DLGAP2: variants seen among roughly 807,000 people sequenced by gnomAD.
DLGAP2 encodes disks large-associated protein 2.
A neutral mutation model predicts 100.3 loss-of-function variants in DLGAP2; 26 were observed. The ratio of observed to expected loss-of-function variants is 0.26; its 90% CI spans 0.19 to 0.36. The LOEUF is 0.36. Among genes scored for constraint, DLGAP2 ranks in the 10% least tolerant of loss-of-function variants. The pLI is 1.00. For missense variants in DLGAP2, 1,858 were observed against 1,453.2 expected, an observed-to-expected ratio of 1.28 and a Z score of -4.53; for synonymous variants, 886 against 630.1, an observed-to-expected ratio of 1.41 and a Z score of -6.08.
At chr8:1,646,442 C>T (rs2469725) in intron 8 of DLGAP2, among the ~76,000 whole-genome samples, 1 of 152,192 alleles carries the variant, frequency 6.6e-6, no homozygotes, top group Non-Finnish European at 1.5e-5. Flanking sequence ...TCTCTATCGT[C>T]TGTCCATCCA....
chr8:1,114,236 T>A (rs1805048213), intron 2 of DLGAP2, among the ~76,000 whole-genome samples: 1 of 152,206 alleles, frequency 6.6e-6, no homozygotes, highest in African/African-American at 2.4e-5. Flanking sequence ...GAGGAGTCCC[T>A]CCTTTTCAGT....
chr8:1,449,811 G>A (rs1584915852), intron 3 of DLGAP2, among the ~76,000 whole-genome samples: 1 of 149,096 alleles, frequency 6.7e-6, no homozygotes, highest in Admixed American at 6.7e-5. Context: ...CCGTGAAGAC[G>A]AGGTGGGCGG....
At chr8:997,857 C>G (rs969155975) in intron 2 of DLGAP2, among the ~76,000 whole-genome samples, 6 of 146,140 alleles carry the variant, frequency 4.1e-5, no homozygotes, top group African/African-American at 1.2e-4. Flanking sequence ...TACATACACA[C>G]ATACACACAA....
intron 3 of DLGAP2, among the ~76,000 whole-genome samples, chr8:1,354,343 T>A (rs1801800661): frequency 6.6e-6 from 1 of 152,030 alleles, no homozygotes; most frequent in Non-Finnish European, 1.5e-5. Context: ...CCATCTCTTC[T>A]AAAAATACAA....
chr8:744,586 C>T (rs1187737392), intron 1 of DLGAP2, among the ~76,000 whole-genome samples: 16 of 150,970 alleles, frequency 1.1e-4, no homozygotes, highest in Non-Finnish European at 1.5e-5. Flanking sequence ...TGGCCGTCTG[C>T]TCCCCACGGT....
At chr8:1,688,394 C>T (rs952985595) in intron 12 of DLGAP2, 1 of 152,202 alleles carries the variant, frequency 6.6e-6, no homozygotes, top group African/African-American at 2.4e-5. Context: ...AAGTGTTATC[C>T]GAGTTACTTG....
chr8:1,117,064 A>G (rs923929241), intron 2 of DLGAP2, among the ~76,000 whole-genome samples: 1 of 152,228 alleles, frequency 6.6e-6, no homozygotes, highest in African/African-American at 2.4e-5. Flanking sequence ...CCAAAGCTTT[A>G]TGGGTTTTTA....
intron 2 of DLGAP2, among the ~76,000 whole-genome samples, chr8:1,007,815 T>C (rs1322235997): frequency 1.3e-5 from 2 of 152,226 alleles, no homozygotes; most frequent in African/African-American, 4.8e-5. Flanking sequence ...ACAATGCTTT[T>C]GGTTAATTTG....
chr8:1,631,045 G>A (rs1019571307), intron 7 of DLGAP2, among the ~76,000 whole-genome samples: 7 of 150,836 alleles, frequency 4.6e-5, no homozygotes, highest in African/African-American at 1.2e-4. Flanking sequence ...CGGGAGGTCC[G>A]GGTGCCCCAA....
At position 745,641 on chromosome 8, in the gene DLGAP2, C is replaced by G. The variant is rs141451820; in HGVS notation, c.18+7816C>G. Reference sequence around the variant, plus strand: ...AATAAGTTAGCTAAGTGGATGTTCCCTCCAGTTTTGTTTCATAGTATAATA... The same window carrying G: ...AATAAGTTAGCTAAGTGGATGTTCCGTCCAGTTTTGTTTCATAGTATAATA... On this transcript the variant is annotated intron_variant, in intron 1 of 14. Coordinates refer to ENST00000637795, the MANE Select transcript of DLGAP2 (RefSeq NM_001346810.2). Among the ~76,000 whole-genome samples the G allele has an allele frequency of 2.0e-4, 31 of 152,280 alleles. 2 individuals carry two copies. The East Asian group carries it at 5.4e-3, about 26-fold the overall frequency.
chr8:1,162,698 T>C (rs939201325), intron 2 of DLGAP2, among the ~76,000 whole-genome samples: 2 of 152,228 alleles, frequency 1.3e-5, no homozygotes, highest in Admixed American at 1.3e-4. Context: ...TAATATAGTT[T>C]AGTGTGCAAA....
chr8:1,590,125 C>G (rs778156512), intron 6 of DLGAP2, among the ~76,000 whole-genome samples: 1 of 152,198 alleles, frequency 6.6e-6, no homozygotes, highest in East Asian at 1.9e-4. Context: ...CCTTCCCCAT[C>G]TTCGTCCCTT....
intron 2 of DLGAP2, among the ~76,000 whole-genome samples, chr8:1,173,971 C>A (rs572527944): frequency 2.6e-4 from 39 of 152,282 alleles, no homozygotes; most frequent in African/African-American, 9.1e-4. Flanking sequence ...TCTTCTGTGT[C>A]GCTCACGCTG....
chr8:1,120,241 C>T (rs1342172543), intron 2 of DLGAP2, among the ~76,000 whole-genome samples: 1 of 152,114 alleles, frequency 6.6e-6, no homozygotes, highest in African/African-American at 2.4e-5. Context: ...GGCTCACACC[C>T]AGACACGGAG....
At chr8:760,088 T>C (rs1470887803) in intron 1 of DLGAP2, among the ~76,000 whole-genome samples, 1 of 152,218 alleles carries the variant, frequency 6.6e-6, no homozygotes, top group Non-Finnish European at 1.5e-5. Context: ...ACATTTTCCC[T>C]GCAGAGCTGA....
rs542184867 is a variant in DLGAP2 at position 1,250,219 on chromosome 8, C to T, written c.74-8632C>T. 4.3e-3 allele frequency among the ~76,000 whole-genome samples: 654 copies of T among 152,206 alleles called. 10 individuals carry two copies. The highest frequency in any genetic ancestry group is 2.9e-3 in the Non-Finnish European group (196 of 68,010). On this transcript the variant is annotated intron_variant, in intron 2 of 14. Transcript: ENST00000637795. ...AGCTCACTGTGAAGATAAATCTGCC[C>T]CCAGAAACACCCCAAAGTCAGATAT... is the stretch of plus-strand genomic sequence containing the variant.
At chr8:1,504,050 G>A (rs1215739078) in intron 4 of DLGAP2, among the ~76,000 whole-genome samples, 9 of 152,074 alleles carry the variant, frequency 5.9e-5, no homozygotes, top group Non-Finnish European at 1.0e-4. Flanking sequence ...AGGCCTTTTA[G>A]CCCATTCGTG....
intron 8 of DLGAP2, among the ~76,000 whole-genome samples, chr8:1,633,972 T>G (rs1163687580): frequency 6.6e-6 from 1 of 152,198 alleles, no homozygotes; most frequent in Non-Finnish European, 1.5e-5. Context: ...AGGTCTTGGT[T>G]TGTTTCAATG....
At chr8:1,655,722 G>C (rs1372781468) in intron 8 of DLGAP2, among the ~76,000 whole-genome samples, 2 of 152,186 alleles carry the variant, frequency 1.3e-5, no homozygotes, top group Non-Finnish European at 2.9e-5. Context: ...AAAATGCTTT[G>C]GTCCAAAATC....
Sources: gnomAD v4.1 joint callset for allele counts (sites outside exome capture counted in the v4.1 genomes callset) on GRCh38, gnomAD v4.1.1 for gene constraint, MANE v1.5 for transcripts, NCBI Gene and HGNC (gene_info 2026-07-23, HGNC 2026-07-21) for gene names.